UGP2: variants seen among roughly 807,000 people sequenced by gnomAD.
UGP2 encodes UDP-glucose pyrophosphorylase 2.
A neutral mutation model predicts 49.0 loss-of-function variants in UGP2; 40 were observed. That is an observed-to-expected ratio of 0.82 (90% CI 0.63 to 1.06). The LOEUF (loss-of-function observed/expected upper bound fraction) is 1.06. UGP2 is among the 50% of genes least tolerant of loss of function. The pLI is 0.00. For missense variants in UGP2, 460 were observed against 603.5 expected (o/e 0.76, Z 2.49); for synonymous variants, 225 against 213.0 (o/e 1.06, Z -0.49).
intron 3 of UGP2, among the ~76,000 whole-genome samples, chr2:63,869,281 CTG>C (rs1296640640): frequency 9.9e-5 from 15 of 152,164 alleles, no homozygotes; most frequent in African/African-American, 3.6e-4. Flanking sequence ...GACCTACAGT[CTG>C]TTTTATTGCC....
chr2:63,878,468 G>C (rs114822989), intron 3 of UGP2, among the ~76,000 whole-genome samples: 2,505 of 152,240 alleles, frequency 0.016, 65 homozygotes, highest in African/African-American at 0.054. Context: ...AAAAGGCTCT[G>C]ATTATGTCTC....
At chr2:63,856,517 A>C in intron 2 of UGP2, 84 bp downstream of exon 2, 1 of 1,438,158 alleles carries the variant, frequency 7.0e-7, no homozygotes, top group Non-Finnish European at 9.3e-7. Context: ...GATGATGATA[A>C]TCATCACCTC....
intron 1 of UGP2, among the ~76,000 whole-genome samples, chr2:63,853,252 A>G (rs1478588930): frequency 6.6e-6 from 1 of 152,170 alleles, no homozygotes; most frequent in Non-Finnish European, 1.5e-5. Context: ...AAAGGACTGT[A>G]GTGAGCCCAG....
intron 3 of UGP2, among the ~76,000 whole-genome samples, chr2:63,880,914 C>T (rs1381471686): frequency 6.6e-6 from 1 of 152,148 alleles, no homozygotes; most frequent in African/African-American, 2.4e-5. Context: ...CTCCTCTTAT[C>T]TTTTCTGTAA....
intron 3 of UGP2, among the ~76,000 whole-genome samples, chr2:63,867,565 AT>A (rs1670265626): frequency 6.6e-6 from 1 of 152,216 alleles, no homozygotes; most frequent in African/African-American, 2.4e-5. Context: ...TATGTCAGGT[AT>A]TATGCTGGGC....
chr2:63,865,178 TA>T (rs1294308132), intron 3 of UGP2, among the ~76,000 whole-genome samples: 1 of 152,128 alleles, frequency 6.6e-6, no homozygotes, highest in African/African-American at 2.4e-5. Context: ...AATGCAAAAA[TA>T]AAGACAGTCA....
chr2:63,856,683 T>C (rs181749991), intron 2 of UGP2: 41 of 509,414 alleles, frequency 8.0e-5, no homozygotes, highest in Non-Finnish European at 1.8e-5. Context: ...AGAACCAAAT[T>C]ATACTTTGTT....
intron 3 of UGP2, among the ~76,000 whole-genome samples, chr2:63,864,501 T>C (rs1286232865): frequency 1.3e-5 from 2 of 152,254 alleles, no homozygotes; most frequent in Non-Finnish European, 2.9e-5. Flanking sequence ...TTTTCTTACA[T>C]GATACTCAGA....
chr2:63,890,996 ATTG>A (rs1280336626), intron 9 of UGP2, 121 bp from the exon 10 acceptor site: 4 of 620,930 alleles, frequency 6.4e-6, no homozygotes, highest in Admixed American at 6.9e-5. Context: ...CATGTTTAAT[ATTG>A]TTTATAAAAA....
chr2:63,871,441 A>G (rs1157458437), intron 3 of UGP2, among the ~76,000 whole-genome samples: 2 of 152,166 alleles, frequency 1.3e-5, no homozygotes, highest in Non-Finnish European at 2.9e-5. Flanking sequence ...ATGCGCCACC[A>G]TGTCTGGCTA....
chr2:63,842,518 C>G (rs1391489349), intron 1 of UGP2: 5 of 1,534,610 alleles, frequency 3.3e-6, no homozygotes, highest in Non-Finnish European at 3.5e-6. Flanking sequence ...TCCTTGTTCT[C>G]TTTTCCTGGT....
chr2:63,857,990 T>G, intron 3 of UGP2, 54 bp downstream of exon 3: 1 of 1,545,284 alleles, frequency 6.5e-7, no homozygotes, highest in Admixed American at 1.7e-5. Flanking sequence ...GCACTGGTTT[T>G]AACTTAGGAC....
intron 3 of UGP2, among the ~76,000 whole-genome samples, chr2:63,866,288 G>A (rs969196185): frequency 1.3e-5 from 2 of 152,214 alleles, no homozygotes; most frequent in African/African-American, 2.4e-5. Context: ...AAAGACCCTG[G>A]TGAATGAATG....
intron 1 of UGP2, chr2:63,842,659 G>T: frequency 7.2e-7 from 1 of 1,383,828 alleles, no homozygotes; most frequent in Non-Finnish European, 9.4e-7. Context: ...CTTCGTTTGT[G>T]TGTACGTGGT....
intron 1 of UGP2, among the ~76,000 whole-genome samples, chr2:63,848,164 T>G (rs1413984739): frequency 6.6e-6 from 1 of 152,184 alleles, no homozygotes; most frequent in East Asian, 1.9e-4. Flanking sequence ...TACTACCTTT[T>G]TGGTTGGATA....
In UGP2 at chr2:63,842,155, AAAAG is replaced by A. The variant is rs1223540652; in HGVS notation, c.-30_-27del. 4 of 1,579,052 alleles carry A rather than the reference AAAAG, an allele frequency of 2.5e-6. No individual in the cohort carries two copies. The highest frequency in any genetic ancestry group is 3.4e-6 in the Non-Finnish European group (4 of 1,170,226). On this transcript the variant is annotated 5_prime_UTR_variant, in exon 1 of 10. Transcript: ENST00000337130. Reference sequence around the variant, plus strand: ...CGTGACTCCTCTAGAAAAAAAAAAAAAAAGCCGGAGTATTTTACTAAGCCCCTAA... The same window carrying A: ...CGTGACTCCTCTAGAAAAAAAAAAAACCGGAGTATTTTACTAAGCCCCTAA...
intron 1 of UGP2, among the ~76,000 whole-genome samples, chr2:63,850,683 A>G (rs1668989390): frequency 6.6e-6 from 1 of 152,204 alleles, no homozygotes; most frequent in Non-Finnish European, 1.5e-5. Context: ...TATCCCTGAT[A>G]CTTGACTAAT....
At chr2:63,858,020 C>T (rs540548766) in intron 3 of UGP2, 84 bp downstream of exon 3, 6 of 1,228,362 alleles carry the variant, frequency 4.9e-6, no homozygotes, top group Non-Finnish European at 7.0e-6. Flanking sequence ...GTGTAGGGGA[C>T]CTATAACAAT....
chr2:63,855,520 G>GGTTTTTTTTTTTTTTTTTTTTCT (rs1669336087), intron 1 of UGP2: 1 of 187,728 alleles, frequency 5.3e-6, no homozygotes, highest in African/African-American at 3.2e-5. Context: ...TTCTTTTTCT[G>GGTTTTTTTTTTTTTTTTTTTTCT]TTTTTTTTTT....
Sources: gnomAD v4.1 joint callset for allele counts (sites outside exome capture counted in the v4.1 genomes callset) on GRCh38, gnomAD v4.1.1 for gene constraint, MANE v1.5 for transcripts, NCBI Gene and HGNC (gene_info 2026-07-23, HGNC 2026-07-21) for gene names.